SUPT16H: variants seen among roughly 807,000 people sequenced by gnomAD.
The protein encoded by SUPT16H is SPT16 homolog, facilitates chromatin remodeling subunit, also known as FACT complex subunit SPT16.
Under a neutral mutation model 136.2 loss-of-function variants are expected in SUPT16H, and 24 were observed. The observed-to-expected ratio is 0.18, with a 90% CI of 0.13 to 0.25. SUPT16H has a LOEUF of 0.25. Among genes scored for constraint, SUPT16H ranks in the 10% least tolerant of loss-of-function variants. SUPT16H has a pLI of 1.00. For missense variants in SUPT16H, 623 were observed against 1,270.2 expected (o/e 0.49, Z 7.74); for synonymous variants, 415 against 428.2 (o/e 0.97, Z 0.38).
intron 21 of SUPT16H, among the ~76,000 whole-genome samples, chr14:21,357,658 GA>G (rs1204442834): frequency 6.6e-6 from 1 of 151,916 alleles, no homozygotes; most frequent in East Asian, 1.9e-4. Context: ...ATAAAAAAAA[GA>G]GAGATAGGTT....
chr14:21,372,454 G>T (rs1886807479), intron 2 of SUPT16H: 1 of 314,794 alleles, frequency 3.2e-6, no homozygotes, highest in Non-Finnish European at 6.2e-6. Context: ...CCTTCTCAAA[G>T]AACTGATATT....
rs1886475779 is a variant in SUPT16H, at chr14:21,358,191, T to C, written c.2414+124A>G. ...AAACATTTTCAAGAAAAAATGGATG[T>C]CTCAAAGATTATTAGTCATAGGAAA... On this transcript the variant is annotated intron_variant, in intron 20 of 25. Coordinates refer to ENST00000216297, the MANE Select transcript of SUPT16H (RefSeq NM_007192.4). 4 of 808,866 alleles carry C rather than the reference T, an allele frequency of 4.9e-6. No homozygotes were observed. The Admixed American group carries it at 1.2e-4, about 23-fold the overall frequency. The allele number at this position is 808,866 out of a possible 1,614,324, so 50.1% of individuals were successfully genotyped here.
chr14:21,362,269 C>T lies in SUPT16H; in HGVS notation c.1721G>A (p.Cys574Tyr). The stretch of plus-strand genomic sequence containing the variant: ...ATTCCTGCCCAGAGCACTGCCTGGG[C>T]AATAAAAGTTGATTCGCAAGTAAGT... ...DYTYLRINFY[C>Y]PGSALGRNEG... The change falls in exon 15 of 26, where the codon TGC becomes TAC. Residue 574 changes from cysteine (C) to tyrosine (Y), a missense_variant. By Grantham distance (194) the Cys-to-Tyr change is radical (BLOSUM62 -2). This residue lies in a region of SUPT16H where 62 missense variants were observed against 200.5 expected (regional missense o/e 0.31). Coordinates refer to ENST00000216297, the MANE Select transcript of SUPT16H (RefSeq NM_007192.4). 1 of 1,613,776 alleles carries T rather than the reference C, an allele frequency of 6.2e-7. No individual in the cohort carries two copies. Among genetic ancestry groups the T allele is most frequent in the Non-Finnish European group, 8.5e-7 (1 of 1,180,004 alleles).
At chr14:21,369,689 G>C in intron 5 of SUPT16H, 61 bp downstream of exon 5, 1 of 1,592,198 alleles carries the variant, frequency 6.3e-7, no homozygotes, top group East Asian at 2.2e-5. Context: ...CAACAGATTT[G>C]CATGGTAGAC....
In SUPT16H at chr14:21,383,600, C is replaced by T. The variant is rs535810782; in HGVS notation, c.66+262G>A. 17 of 701,676 alleles carry T rather than the reference C, an allele frequency of 2.4e-5. No homozygotes were observed. In the East Asian group the frequency reaches 2.7e-4, roughly 11 times the overall value. The allele number at this position is 701,676 out of a possible 1,614,324, so 43.5% of individuals were successfully genotyped here. A position where few individuals can be genotyped will look rare whatever the true frequency, so the allele number is the denominator to read the frequency against. ...TTGCCTCTTCTAGGGCGGGAAGAGA[C>T]TGCGAGAGGTGCTGCTATGCATGAC... On this transcript the variant is annotated intron_variant, in intron 1 of 25. Coordinates refer to ENST00000216297, the MANE Select transcript of SUPT16H (RefSeq NM_007192.4).
At chr14:21,369,093 T>C (rs1488502636) in intron 6 of SUPT16H, 111 bp downstream of exon 6, 1 of 1,277,534 alleles carries the variant, frequency 7.8e-7, no homozygotes, top group Non-Finnish European at 1.1e-6. Flanking sequence ...CACTATACAT[T>C]ATATACTTGT....
intron 2 of SUPT16H, among the ~76,000 whole-genome samples, chr14:21,373,090 C>T (rs1886822280): frequency 6.6e-6 from 1 of 152,140 alleles, no homozygotes; most frequent in Non-Finnish European, 1.5e-5. Flanking sequence ...ACTACAGGTG[C>T]ACACCCCCAC....
At chr14:21,363,189 C>T in intron 12 of SUPT16H, 40 bp from the exon 13 acceptor site, 1 of 1,614,006 alleles carries the variant, frequency 6.2e-7, no homozygotes, top group Non-Finnish European at 8.5e-7. Flanking sequence ...ACACGTGAGC[C>T]ATATGACAGC....
chr14:21,366,354 A>G, intron 8 of SUPT16H, 85 bp downstream of exon 8: 1 of 1,277,966 alleles, frequency 7.8e-7, no homozygotes, highest in Non-Finnish European at 1.1e-6. Flanking sequence ...GGCTGAATCA[A>G]TCAATTAGCC....
In SUPT16H at chr14:21,351,513, C is replaced by G. The variant is rs1886288744; in HGVS notation, c.*1160G>C. On this transcript the variant is annotated 3_prime_UTR_variant, in exon 26 of 26. Coordinates refer to ENST00000216297, the MANE Select transcript of SUPT16H (RefSeq NM_007192.4). ...AACAACAAAAAAAACCCAGTTTATT[C>G]ATCTTTTAGTTCTTCCAAAATTGAA... The G allele has an allele frequency of 3.9e-6, 1 of 253,716 alleles. No individual in the cohort carries two copies. The highest frequency in any genetic ancestry group is 5.3e-5 in the Admixed American group (1 of 18,736). The allele number at this position is 253,716 out of a possible 1,614,324, so 15.7% of individuals were successfully genotyped here. A position where few individuals can be genotyped will look rare whatever the true frequency, so the allele number is the denominator to read the frequency against.
Position 21,362,186 on chromosome 14 carries a change from TG to T in SUPT16H, c.1793+10del. On this transcript the variant is annotated intron_variant, in intron 15 of 25. Coordinates refer to ENST00000216297, the MANE Select transcript of SUPT16H (RefSeq NM_007192.4). ...AGATGAATCTGGGTATGACTTTTCT[TG>T]GGGACTCACATTTCCTTGACAAAAG... is the stretch of plus-strand genomic sequence containing the variant. 3 of 1,610,394 alleles carry T rather than the reference TG, an allele frequency of 1.9e-6. No homozygotes were observed. Among genetic ancestry groups the T allele is most frequent in the Non-Finnish European group, 2.5e-6 (3 of 1,179,268 alleles).
chr14:21,358,128 G>A, intron 20 of SUPT16H, 126 bp from the exon 21 acceptor site: 1 of 921,252 alleles, frequency 1.1e-6, no homozygotes. Context: ...CTCATCCAGA[G>A]GAAGCCTCTT....
intron 11 of SUPT16H, 21 bp from the exon 12 acceptor site, chr14:21,363,349 A>C (rs1449056430): frequency 3.8e-6 from 6 of 1,597,564 alleles, no homozygotes; most frequent in Middle Eastern, 1.7e-4. Context: ...AGTCATAATC[A>C]AAAAATGAAA....
At position 21,357,406 on chromosome 14, in the gene SUPT16H, C is replaced by T. The variant is rs1886457667; in HGVS notation, c.2491-40G>A. Reference sequence around the variant, plus strand: ...CTGAATCATTAGCATATAAGTATTTCCCCCAAAGCAATAATATTTCAAATA... The same window carrying T: ...CTGAATCATTAGCATATAAGTATTTTCCCCAAAGCAATAATATTTCAAATA... On this transcript the variant is annotated intron_variant, in intron 21 of 25. Transcript: ENST00000216297. 2.7e-6 allele frequency: 4 copies of T among 1,480,696 alleles called. No homozygotes were observed. The South Asian group carries it at 4.3e-5, about 16-fold the overall frequency. The allele number at this position is 1,480,696 out of a possible 1,614,324, so 91.7% of individuals were successfully genotyped here.
intron 7 of SUPT16H, 67 bp downstream of exon 7, chr14:21,368,202 C>A (rs1174190161): frequency 1.3e-6 from 2 of 1,527,354 alleles, no homozygotes; most frequent in African/African-American, 2.7e-5. Flanking sequence ...CAGGTGTGAC[C>A]CACAGCTCCC....
chr14:21,362,214 C>T lies in SUPT16H; in HGVS notation c.1776G>A (p.Ala592=), dbSNP rs929993767. 6.8e-6 allele frequency: 11 copies of T among 1,611,468 alleles called. No individual in the cohort carries two copies. The highest frequency in any genetic ancestry group is 3.4e-5 in the Admixed American group (2 of 59,684). The change falls in exon 15 of 26, where the codon GCG becomes GCA. Residue 592 remains alanine, a synonymous_variant. Coordinates refer to ENST00000216297, the MANE Select transcript of SUPT16H (RefSeq NM_007192.4). ...NEGNIFPNPE[A]TFVKEITYRA... is the part of the protein sequence containing the mutation. ...GGACTCACATTTCCTTGACAAAAGTCGCTTCAGGGTTAGGAAAGATGTTGC... is the reference window on the plus strand; with the variant it reads ...GGACTCACATTTCCTTGACAAAAGTTGCTTCAGGGTTAGGAAAGATGTTGC...
chr14:21,352,578 A>C lies in SUPT16H; in HGVS notation c.*95T>G. 6.3e-7 allele frequency: 1 copy of C among 1,582,720 alleles called. No homozygotes were observed. The highest frequency in any genetic ancestry group is 8.6e-7 in the Non-Finnish European group (1 of 1,165,874). On this transcript the variant is annotated 3_prime_UTR_variant, in exon 26 of 26. Transcript: ENST00000216297. ...CATAAACACAAATGGCAAAACTTCAAATGAAAACGAAAGGAAAAATACAGT... is the reference window on the plus strand; with the variant it reads ...CATAAACACAAATGGCAAAACTTCACATGAAAACGAAAGGAAAAATACAGT...
At chr14:21,358,050 C>T (rs758487046) in intron 20 of SUPT16H, 48 bp from the exon 21 acceptor site, 2 of 1,531,960 alleles carry the variant, frequency 1.3e-6, no homozygotes, top group Non-Finnish European at 1.8e-6. Context: ...AGAGAGACTG[C>T]TCCTACCACA....
Position 21,369,844 on chromosome 14 carries a change from T to TCCC in SUPT16H, c.533_535dup (p.Gly178dup), listed in dbSNP as rs771020958. 5 of 1,614,160 alleles carry TCCC rather than the reference T, an allele frequency of 3.1e-6. No homozygotes were observed. In the South Asian group the frequency reaches 5.5e-5, roughly 18 times the overall value. Reference sequence around the variant, plus strand: ...GGCTGCTTTCTTCATTAGGTTGAGCTCCCCATCCTCCTTTACAGCGATGGT... The same window carrying TCCC: ...GGCTGCTTTCTTCATTAGGTTGAGCTCCCCCCCATCCTCCTTTACAGCGATGGT... On this transcript the variant is annotated inframe_insertion, in exon 5 of 26. Transcript: ENST00000216297.
Sources: gnomAD v4.1 joint callset for allele counts (sites outside exome capture counted in the v4.1 genomes callset) on GRCh38, gnomAD v4.1.1 for gene constraint, gnomAD v4.1.1 regional missense constraint, MANE v1.5 for transcripts, NCBI Gene and HGNC (gene_info 2026-07-23, HGNC 2026-07-21) for gene names.